The following CLASP1 variants were observed in gnomAD, a reference collection of about 807,000 sequenced individuals.
CLASP1 encodes CLIP-associating protein 1.
Under a neutral mutation model 192.3 loss-of-function variants are expected in CLASP1, and 38 were observed. The observed-to-expected ratio is 0.20, with a 90% CI of 0.15 to 0.26. CLASP1 has a LOEUF of 0.26. Ranked by LOEUF, CLASP1 falls within the 10% of genes least tolerant of loss-of-function variation. CLASP1 has a pLI of 1.00. For missense variants in CLASP1, 1,433 were observed against 1,932.5 expected, an observed-to-expected ratio of 0.74 and a Z score of 4.85; for synonymous variants, 691 against 712.8, an observed-to-expected ratio of 0.97 and a Z score of 0.49.
intron 2 of CLASP1, among the ~76,000 whole-genome samples, chr2:121,552,071 A>T (rs1404004406): frequency 6.6e-6 from 1 of 152,232 alleles, no homozygotes; most frequent in Non-Finnish European, 1.5e-5. Context: ...CAACAAGCTG[A>T]CAGAAACAAG....
intron 1 of CLASP1, among the ~76,000 whole-genome samples, chr2:121,616,047 A>G (rs1447371701): frequency 6.6e-6 from 1 of 152,214 alleles, no homozygotes; most frequent in Non-Finnish European, 1.5e-5. Context: ...CACGAAGTCA[A>G]ATCATAAATA....
chr2:121,441,509 T>A (rs528519738), intron 19 of CLASP1, among the ~76,000 whole-genome samples: 1 of 152,294 alleles, frequency 6.6e-6, no homozygotes, highest in Admixed American at 6.5e-5. Flanking sequence ...GAGGATGACT[T>A]GAGCCCAGGA....
At chr2:121,554,982 A>G (rs2058405965) in intron 2 of CLASP1, among the ~76,000 whole-genome samples, 1 of 152,174 alleles carries the variant, frequency 6.6e-6, no homozygotes, top group Non-Finnish European at 1.5e-5. Flanking sequence ...ACCTGCCCCA[A>G]ACAAGTATTT....
intron 2 of CLASP1, among the ~76,000 whole-genome samples, chr2:121,569,930 A>G (rs2105395726): frequency 6.6e-6 from 1 of 152,360 alleles, no homozygotes; most frequent in Middle Eastern, 3.4e-3. Flanking sequence ...ACAATAGCAC[A>G]TAGTGGTTAA....
At chr2:121,519,670 G>A (rs937201860) in intron 6 of CLASP1, among the ~76,000 whole-genome samples, 4 of 152,208 alleles carry the variant, frequency 2.6e-5, no homozygotes, top group African/African-American at 9.7e-5. Flanking sequence ...ACAACGGCTA[G>A]TGTTATCTCT....
chr2:121,387,344 G>GA, intron 31 of CLASP1, 116 bp from the exon 33 acceptor site: 1 of 656,676 alleles, frequency 1.5e-6, no homozygotes. Flanking sequence ...GCCCAGGATG[G>GA]TTTTTTTTTT....
intron 2 of CLASP1, among the ~76,000 whole-genome samples, chr2:121,583,147 G>A (rs1044060870): frequency 2.0e-5 from 3 of 152,248 alleles, no homozygotes; most frequent in East Asian, 1.9e-4. Flanking sequence ...ATAAGGGACC[G>A]TTGTTGCTCT....
At chr2:121,543,147 C>G (rs1440574530) in intron 2 of CLASP1, among the ~76,000 whole-genome samples, 1 of 152,156 alleles carries the variant, frequency 6.6e-6, no homozygotes, top group Non-Finnish European at 1.5e-5. Context: ...CAGTGCTGCT[C>G]TAGACCACTG....
chr2:121,403,225 GCTGT>G (rs1447767070), intron 26 of CLASP1, among the ~76,000 whole-genome samples: 29 of 152,312 alleles, frequency 1.9e-4, no homozygotes, highest in South Asian at 4.1e-4. Context: ...AGTGAGGAGA[GCTGT>G]TGTGGGGGGA....
At chr2:121,408,935 T>C (rs932353496) in intron 24 of CLASP1, 1 of 1,008,428 alleles carries the variant, frequency 9.9e-7, no homozygotes, top group Admixed American at 2.4e-5. Flanking sequence ...ATTTCTATAC[T>C]ACATTTTTTG....
intron 2 of CLASP1, among the ~76,000 whole-genome samples, chr2:121,590,847 T>A (rs1349347298): frequency 1.3e-5 from 2 of 151,328 alleles, no homozygotes; most frequent in African/African-American, 4.9e-5. Flanking sequence ...TTTTTCTAAA[T>A]GTTCTTCAAA....
At chr2:121,348,776 C>A in intron 37 of CLASP1, 58 bp from the exon 39 acceptor site, 1 of 1,417,482 alleles carries the variant, frequency 7.1e-7, no homozygotes, top group Non-Finnish European at 9.4e-7. Context: ...AGCGAAAGAC[C>A]AAACATCACT....
At chr2:121,504,989 T>G (rs200042175) in intron 7 of CLASP1, 1 of 152,382 alleles carries the variant, frequency 6.6e-6, no homozygotes, top group East Asian at 1.9e-4. Flanking sequence ...GTGTTTCTTA[T>G]GATGTTTCCA....
Position 121,640,712 on chromosome 2 carries a change from C to T in CLASP1, c.-286+8660G>A, listed in dbSNP as rs115340132. Reference sequence around the variant, plus strand: ...AAAAAAAAATGGGATAAATGAAAAGCATGCTGAAGATTTTAAAAGCCAAAT... The same window carrying T: ...AAAAAAAAATGGGATAAATGAAAAGTATGCTGAAGATTTTAAAAGCCAAAT... On this transcript the variant is annotated intron_variant, in intron 1 of 39. Transcript: ENST00000263710. 7.1e-3 allele frequency among the ~76,000 whole-genome samples: 1,082 copies of T among 152,106 alleles called. 13 individuals are homozygous for T. The highest frequency in any genetic ancestry group is 0.024 in the African/African-American group (993 of 41,470).
chr2:121,635,860 A>T (rs1247660231), intron 1 of CLASP1, among the ~76,000 whole-genome samples: 1 of 152,252 alleles, frequency 6.6e-6, no homozygotes, highest in African/African-American at 2.4e-5. Flanking sequence ...TAAAATGAGT[A>T]TATTTCTCAA....
chr2:121,368,858 CA>C (rs2068004931), intron 34 of CLASP1, among the ~76,000 whole-genome samples: 1 of 152,216 alleles, frequency 6.6e-6, no homozygotes. Context: ...TCATTCCTAA[CA>C]TACCATTTTT....
intron 2 of CLASP1, among the ~76,000 whole-genome samples, chr2:121,544,606 A>G (rs1271262178): frequency 6.6e-6 from 1 of 152,174 alleles, no homozygotes; most frequent in Non-Finnish European, 1.5e-5. Context: ...ATCACTTATT[A>G]GAATTCTATA....
intron 2 of CLASP1, among the ~76,000 whole-genome samples, chr2:121,557,421 T>TAAAGA (rs1553629760): frequency 3.3e-5 from 5 of 149,728 alleles, no homozygotes; most frequent in Non-Finnish European, 6.0e-5. Flanking sequence ...CCATCTCTAC[T>TAAAGA]AAAAATACAA....
intron 1 of CLASP1, among the ~76,000 whole-genome samples, chr2:121,623,355 G>A (rs1000154460): frequency 6.6e-6 from 1 of 152,128 alleles, no homozygotes; most frequent in African/African-American, 2.4e-5. Flanking sequence ...CAGACATTAA[G>A]CCAACTTTGC....
Sources: allele counts gnomAD v4.1 joint callset (sites outside exome capture counted in the v4.1 genomes callset), GRCh38; gene constraint gnomAD v4.1.1; transcripts MANE v1.5; gene names NCBI Gene and HGNC (gene_info 2026-07-23, HGNC 2026-07-21).